The following TRPC6 variants were observed in gnomAD, a reference collection of about 807,000 sequenced individuals.
The protein encoded by TRPC6 is transient receptor potential cation channel subfamily C member 6, also known as short transient receptor potential channel 6.
Under a neutral mutation model 90.7 loss-of-function variants are expected in TRPC6, and 55 were observed. That is an observed-to-expected ratio of 0.61 (90% CI 0.49 to 0.76). TRPC6 has a LOEUF of 0.76. Among genes scored for constraint, TRPC6 ranks in the 30% least tolerant of loss-of-function variants. The pLI is 0.00. For synonymous variants in TRPC6, 393 were observed against 393.0 expected (o/e 1.00, Z 0.00); for missense variants, 989 against 1,122.7 (o/e 0.88, Z 1.70).
intron 1 of TRPC6, among the ~76,000 whole-genome samples, chr11:101,531,054 T>G (rs1452842670): frequency 1.3e-5 from 2 of 152,182 alleles, no homozygotes; most frequent in Non-Finnish European, 2.9e-5. Context: ...ACTTGAACTT[T>G]GCTAACAGAG....
intron 1 of TRPC6, among the ~76,000 whole-genome samples, chr11:101,545,936 G>C (rs1861292589): frequency 6.6e-6 from 1 of 150,996 alleles, no homozygotes; most frequent in Non-Finnish European, 1.5e-5. Context: ...GCTTGCCTAT[G>C]ATGTTCAACT....
chr11:101,463,534 T>A (rs1326814748), intron 10 of TRPC6, among the ~76,000 whole-genome samples: 1 of 152,210 alleles, frequency 6.6e-6, no homozygotes, highest in Non-Finnish European at 1.5e-5. Flanking sequence ...GGTTTAGTCT[T>A]GAGAGGGTGT....
intron 5 of TRPC6, among the ~76,000 whole-genome samples, chr11:101,477,934 C>T (rs534372828): frequency 6.6e-6 from 1 of 152,188 alleles, no homozygotes; most frequent in Admixed American, 6.5e-5. Flanking sequence ...AGATACTCTA[C>T]TCTGACATCC....
intron 1 of TRPC6, among the ~76,000 whole-genome samples, chr11:101,560,430 A>G (rs1861688395): frequency 6.6e-6 from 1 of 152,132 alleles, no homozygotes; most frequent in African/African-American, 2.4e-5. Context: ...ACCCTCCTTT[A>G]CATCAGATTT....
At chr11:101,469,387 G>A (rs759268720) in intron 10 of TRPC6, 40 bp downstream of exon 10, 19 of 744,030 alleles carry the variant, frequency 2.6e-5, no homozygotes, top group East Asian at 7.5e-5. Flanking sequence ...AGATAAGCCC[G>A]ATCATGTGCA....
At chr11:101,541,555 G>T (rs1861174693) in intron 1 of TRPC6, among the ~76,000 whole-genome samples, 1 of 152,022 alleles carries the variant, frequency 6.6e-6, no homozygotes, top group Admixed American at 6.6e-5. Context: ...TACAGACAGG[G>T]TTTTACTGTT....
intron 4 of TRPC6, among the ~76,000 whole-genome samples, chr11:101,485,637 A>C (rs1354142120): frequency 1.3e-5 from 2 of 152,094 alleles, no homozygotes; most frequent in Non-Finnish European, 2.9e-5. Context: ...ATTAGAGGCA[A>C]TGACTGTTAG....
rs562721370 is a variant in TRPC6 at position 101,459,284 on chromosome 11, A to G, written c.2485-4183T>C. On this transcript the variant is annotated intron_variant, in intron 10 of 12. Coordinates refer to ENST00000344327, the MANE Select transcript of TRPC6 (RefSeq NM_004621.6). Reference sequence around the variant, plus strand: ...AGGCGGAGAAATCCTCTCCACTGTGAGGCTCTGCTCACCTGTGAAAGGGGG... The same window carrying G: ...AGGCGGAGAAATCCTCTCCACTGTGGGGCTCTGCTCACCTGTGAAAGGGGG... 2.6e-5 allele frequency among the ~76,000 whole-genome samples: 4 copies of G among 152,318 alleles called. No individual in the cohort carries two copies. In the South Asian group the frequency reaches 8.3e-4, roughly 32 times the overall value.
At chr11:101,454,661 G>T (rs993226557) in intron 11 of TRPC6, among the ~76,000 whole-genome samples, 1 of 151,592 alleles carries the variant, frequency 6.6e-6, no homozygotes, top group African/African-American at 2.4e-5. Flanking sequence ...GCACATATAG[G>T]CATATAATCA....
At position 101,491,833 on chromosome 11, in the gene TRPC6, A is replaced by ATTTTTTTTTTTTTTTTTT. The variant is rs200869151; in HGVS notation, c.946-96_946-95insAAAAAAAAAAAAAAAAAA. On this transcript the variant is annotated intron_variant, in intron 2 of 12. Coordinates refer to ENST00000344327, the MANE Select transcript of TRPC6 (RefSeq NM_004621.6). The stretch of plus-strand genomic sequence containing the variant: ...AAGGATTTTATACTTTAAGAGAAAC[A>ATTTTTTTTTTTTTTTTTT]TTCTTTTTTTTTTTTTTTTTTTTTT... 2.8e-4 allele frequency: 222 copies of ATTTTTTTTTTTTTTTTTT among 782,214 alleles called. 29 individuals carry two copies. The African/African-American group carries it at 5.7e-3, about 20-fold the overall frequency. 48.5% of individuals were successfully genotyped at this position (782,214 alleles called of 1,614,324 possible). A position where few individuals can be genotyped will look rare whatever the true frequency, so the allele number is the denominator to read the frequency against.
At chr11:101,553,293 C>G (rs761457453) in intron 1 of TRPC6, among the ~76,000 whole-genome samples, 1 of 152,076 alleles carries the variant, frequency 6.6e-6, no homozygotes, top group Non-Finnish European at 1.5e-5. Context: ...CCTATCCCAT[C>G]TCTGCCTACT....
At chr11:101,505,093 T>C (rs1247430830) in intron 1 of TRPC6, among the ~76,000 whole-genome samples, 1 of 152,210 alleles carries the variant, frequency 6.6e-6, no homozygotes, top group Non-Finnish European at 1.5e-5. Flanking sequence ...ATATAGATGG[T>C]ATAGACTTAG....
intron 11 of TRPC6, among the ~76,000 whole-genome samples, chr11:101,453,954 A>C (rs1858825007): frequency 6.6e-6 from 1 of 152,182 alleles, no homozygotes. Context: ...GTTCTTAGAA[A>C]AGAATGTTTA....
chr11:101,467,580 G>A (rs182421566), intron 10 of TRPC6, among the ~76,000 whole-genome samples: 1 of 152,300 alleles, frequency 6.6e-6, no homozygotes, highest in Non-Finnish European at 1.5e-5. Context: ...TAGAATGGCA[G>A]AAATTGCTCA....
At chr11:101,502,928 CAAGAA>C (rs1201164547) in intron 2 of TRPC6, among the ~76,000 whole-genome samples, 20 of 151,590 alleles carry the variant, frequency 1.3e-4, no homozygotes, top group African/African-American at 4.9e-4. Context: ...TGTAATCCCT[CAAGAA>C]AAGAGTATAG....
intron 1 of TRPC6, among the ~76,000 whole-genome samples, chr11:101,527,496 T>C (rs1860805733): frequency 6.6e-6 from 1 of 152,200 alleles, no homozygotes; most frequent in Non-Finnish European, 1.5e-5. Context: ...GATGACACAG[T>C]TCCAATACCG....
intron 1 of TRPC6, among the ~76,000 whole-genome samples, chr11:101,527,988 G>A (rs1440950250): frequency 6.6e-5 from 10 of 152,002 alleles, no homozygotes; most frequent in South Asian, 4.1e-4. Context: ...CAGGAGAATC[G>A]CTTGAACCCG....
chr11:101,469,304 TAGTTGAATTATTTAATGGGTC>T, intron 10 of TRPC6, 102 bp downstream of exon 10: 5 of 650,214 alleles, frequency 7.7e-6, no homozygotes, highest in Non-Finnish European at 1.4e-5. Flanking sequence ...TTTGTTAAAA[TAGTTGAATTATTTAATGGGTC>T]TGTTCTCTAC....
In TRPC6 at chr11:101,583,761, G is replaced by T; in HGVS notation, c.-258C>A. On this transcript the variant is annotated 5_prime_UTR_variant, in exon 1 of 13. Coordinates refer to ENST00000344327, the MANE Select transcript of TRPC6 (RefSeq NM_004621.6). ...AGGTCAGGCCGAGGAGACCCCGCGA[G>T]GATGCGTCTGGGGCGCCCGGGCAGA... is the stretch of plus-strand genomic sequence containing the variant. The T allele has an allele frequency of 5.1e-6, 2 of 390,700 alleles. No individual in the cohort carries two copies. The highest frequency in any genetic ancestry group is 9.0e-6 in the Non-Finnish European group (2 of 221,796). The allele number at this position is 390,700 out of a possible 1,614,324, so 24.2% of individuals were successfully genotyped here. A position where few individuals can be genotyped will look rare whatever the true frequency, so the allele number is the denominator to read the frequency against.
Sources: allele counts gnomAD v4.1 joint callset (sites outside exome capture counted in the v4.1 genomes callset), GRCh38; gene constraint gnomAD v4.1.1; transcripts MANE v1.5; gene names NCBI Gene and HGNC (gene_info 2026-07-23, HGNC 2026-07-21).